Variants in DDX10 observed in about 807,000 individuals in gnomAD.
The protein encoded by DDX10 is probable ATP-dependent RNA helicase DDX10.
In DDX10, 74 loss-of-function variants were observed where a neutral mutation model predicts 104.3. That is an observed-to-expected ratio of 0.71 (90% CI 0.59 to 0.86). The LOEUF (loss-of-function observed/expected upper bound fraction) is 0.86, where lower values mean the gene tolerates loss of function less well. Ranked by LOEUF, DDX10 falls within the 40% of genes least tolerant of loss-of-function variation. The pLI is 0.00. For missense variants in DDX10, 952 were observed against 1,040.0 expected (o/e 0.92, Z 1.16); for synonymous variants, 351 against 353.4 (o/e 0.99, Z 0.08).
chr11:108,752,898 C>T (rs1360526008), intron 13 of DDX10, among the ~76,000 whole-genome samples: 2 of 151,988 alleles, frequency 1.3e-5, no homozygotes, highest in South Asian at 2.1e-4. Flanking sequence ...TGCTAGATTT[C>T]GAGCCACTGC....
At position 108,789,291 on chromosome 11, in the gene DDX10, G is replaced by A. The variant is rs79918497; in HGVS notation, c.1966-49155G>A. 3.4e-3 allele frequency among the ~76,000 whole-genome samples: 514 copies of A among 152,228 alleles called. 24 individuals carry two copies. In the East Asian group the frequency reaches 0.085, roughly 25 times the overall value. ...ATGTTTAAGTATAGAATTGATGAGC[G>A]GGACAAGTAGGAGATGTCGTCACCT... On this transcript the variant is annotated intron_variant, in intron 13 of 17. Transcript: ENST00000322536.
At chr11:108,836,411 C>G (rs1426873289) in intron 13 of DDX10, among the ~76,000 whole-genome samples, 1 of 152,162 alleles carries the variant, frequency 6.6e-6, no homozygotes, top group African/African-American at 2.4e-5. Flanking sequence ...TGACCATTAT[C>G]TAAAAATATA....
At chr11:108,724,061 T>C (rs1332915666) in intron 13 of DDX10, among the ~76,000 whole-genome samples, 3 of 152,120 alleles carry the variant, frequency 2.0e-5, no homozygotes, top group African/African-American at 4.8e-5. Flanking sequence ...AGGATGCTTT[T>C]GTAGGTGCAC....
intron 13 of DDX10, among the ~76,000 whole-genome samples, chr11:108,828,614 T>G (rs1361649054): frequency 6.6e-6 from 1 of 152,136 alleles, no homozygotes; most frequent in African/African-American, 2.4e-5. Flanking sequence ...ACCTGTTAGG[T>G]GGGTCTTAAT....
intron 13 of DDX10, among the ~76,000 whole-genome samples, chr11:108,777,228 A>G (rs895711914): frequency 1.2e-4 from 18 of 152,170 alleles, no homozygotes; most frequent in African/African-American, 4.3e-4. Flanking sequence ...AATTGTTGCT[A>G]TGAGAATGTT....
intron 17 of DDX10, among the ~76,000 whole-genome samples, chr11:108,928,912 G>T (rs1292605130): frequency 6.6e-6 from 1 of 152,120 alleles, no homozygotes; most frequent in Non-Finnish European, 1.5e-5. Flanking sequence ...CATTCATTAA[G>T]TCCCCAGGTA....
At chr11:108,920,660 G>A (rs1863811798) in intron 17 of DDX10, 1 of 152,216 alleles carries the variant, frequency 6.6e-6, no homozygotes, top group African/African-American at 2.4e-5. Context: ...ATCTCAGTTA[G>A]GTTGTATAGA....
At chr11:108,834,927 C>CAAAAAA (rs56174572) in intron 13 of DDX10, among the ~76,000 whole-genome samples, 12 of 62,224 alleles carry the variant, frequency 1.9e-4, no homozygotes, top group African/African-American at 3.3e-4. Context: ...GACTCCATCT[C>CAAAAAA]AAAAAAAAAA....
intron 13 of DDX10, 23 bp from the exon 14 acceptor site, chr11:108,838,423 G>GT: frequency 6.3e-7 from 1 of 1,596,050 alleles, no homozygotes; most frequent in Non-Finnish European, 8.5e-7. Flanking sequence ...AATCATCTGT[G>GT]TTTTTTGTAT....
intron 6 of DDX10, among the ~76,000 whole-genome samples, chr11:108,684,623 C>G (rs2094240791): frequency 7.4e-6 from 1 of 135,192 alleles, no homozygotes; most frequent in Non-Finnish European, 1.6e-5. Flanking sequence ...GGGTTGGTTC[C>G]AAGTCTTTGC....
intron 16 of DDX10, among the ~76,000 whole-genome samples, chr11:108,861,958 C>T (rs781174582): frequency 1.4e-4 from 22 of 152,010 alleles, no homozygotes; most frequent in Non-Finnish European, 2.9e-4. Flanking sequence ...ACTCGGGAGG[C>T]GGAGGTTGCA....
chr11:108,748,230 C>A lies in DDX10; in HGVS notation c.1965+24768C>A, dbSNP rs1450954940. On this transcript the variant is annotated intron_variant, in intron 13 of 17. Coordinates refer to ENST00000322536, the MANE Select transcript of DDX10 (RefSeq NM_004398.4). ...TGCAGTCTTTCTGGTCTGGGGAACA[C>A]AGAGATACGAAGCTAGGGCAATCAT... Among the ~76,000 whole-genome samples the A allele has an allele frequency of 2.6e-5, 4 of 152,138 alleles. No individual in the cohort carries two copies. In the East Asian group the frequency reaches 5.8e-4, roughly 22 times the overall value.
intron 1 of DDX10, among the ~76,000 whole-genome samples, chr11:108,667,462 GAGTA>G (rs1257855889): frequency 1.6e-4 from 24 of 152,332 alleles, no homozygotes; most frequent in Admixed American, 9.8e-4. Context: ...GTCTGCTGCA[GAGTA>G]AGTTATTTGT....
At chr11:108,856,475 A>G (rs1862871602) in intron 16 of DDX10, among the ~76,000 whole-genome samples, 2 of 151,666 alleles carry the variant, frequency 1.3e-5, no homozygotes, top group Admixed American at 6.6e-5. Flanking sequence ...AAAACAAAAA[A>G]CAAAAAACAA....
intron 13 of DDX10, among the ~76,000 whole-genome samples, chr11:108,753,705 G>C (rs1020345916): frequency 6.6e-6 from 1 of 152,026 alleles, no homozygotes; most frequent in Non-Finnish European, 1.5e-5. Context: ...AAAATTGCAA[G>C]TATTGGACAC....
At chr11:108,728,046 AAAG>A (rs1381433859) in intron 13 of DDX10, among the ~76,000 whole-genome samples, 2 of 151,958 alleles carry the variant, frequency 1.3e-5, no homozygotes, top group African/African-American at 4.8e-5. Flanking sequence ...AAAAATGAAA[AAAG>A]AAAAAAAAAA....
intron 9 of DDX10, among the ~76,000 whole-genome samples, chr11:108,694,694 C>G (rs911362513): frequency 5.3e-5 from 8 of 152,238 alleles, no homozygotes; most frequent in Non-Finnish European, 1.0e-4. Context: ...GCCTGAGCAA[C>G]ATGGTGAAAC....
At chr11:108,820,043 G>C (rs1024955804) in intron 13 of DDX10, among the ~76,000 whole-genome samples, 1 of 152,174 alleles carries the variant, frequency 6.6e-6, no homozygotes, top group Non-Finnish European at 1.5e-5. Flanking sequence ...AGCTCAAGAA[G>C]ATAAATTTTG....
chr11:108,835,261 G>T (rs1001699619), intron 13 of DDX10, among the ~76,000 whole-genome samples: 2 of 152,204 alleles, frequency 1.3e-5, no homozygotes, highest in Admixed American at 1.3e-4. Context: ...AACTGAGGAA[G>T]AACAATAGTC....
Sources: allele counts gnomAD v4.1 joint callset (sites outside exome capture counted in the v4.1 genomes callset), GRCh38; gene constraint gnomAD v4.1.1; transcripts MANE v1.5; gene names NCBI Gene and HGNC (gene_info 2026-07-23, HGNC 2026-07-21).